FGFR2: variants seen among roughly 807,000 people sequenced by gnomAD.
The protein encoded by FGFR2 is fibroblast growth factor receptor 2, also known as BEK fibroblast growth factor receptor.
FGFR2 carries 19 observed loss-of-function variants against 95.9 expected under a neutral mutation model. The ratio of observed to expected loss-of-function variants is 0.20; its 90% CI spans 0.14 to 0.29. The LOEUF (loss-of-function observed/expected upper bound fraction) is 0.29, where lower values mean the gene tolerates loss of function less well. FGFR2 is among the 10% of genes least tolerant of loss of function. FGFR2 has a pLI of 1.00. For missense variants in FGFR2, 707 were observed against 1,056.9 expected, an observed-to-expected ratio of 0.67 and a Z score of 4.59; for synonymous variants, 392 against 393.3, an observed-to-expected ratio of 1.00 and a Z score of 0.04.
At chr10:121,568,568 G>T (rs1308939721) in intron 2 of FGFR2, among the ~76,000 whole-genome samples, 1 of 151,794 alleles carries the variant, frequency 6.6e-6, no homozygotes, top group Non-Finnish European at 1.5e-5. Flanking sequence ...CCTCAGATAA[G>T]GTGCAACCAT....
At chr10:121,577,705 T>TCTC (rs1860142851) in intron 2 of FGFR2, among the ~76,000 whole-genome samples, 1 of 151,996 alleles carries the variant, frequency 6.6e-6, no homozygotes, top group African/African-American at 2.4e-5. Context: ...TGCATTCCAG[T>TCTC]CTCCTGGGCA....
At chr10:121,516,470 A>G (rs932731640) in intron 8 of FGFR2, among the ~76,000 whole-genome samples, 1 of 152,258 alleles carries the variant, frequency 6.6e-6, no homozygotes. Flanking sequence ...TTTTTACTAG[A>G]TGTAAAATAA....
chr10:121,522,797 C>T (rs1850741025), intron 6 of FGFR2, among the ~76,000 whole-genome samples: 1 of 152,154 alleles, frequency 6.6e-6, no homozygotes, highest in African/African-American at 2.4e-5. Context: ...CCAGCCTCCT[C>T]CCTCTCTTCC....
intron 9 of FGFR2, among the ~76,000 whole-genome samples, chr10:121,511,560 C>T (rs1564903016): frequency 6.6e-6 from 1 of 152,176 alleles, no homozygotes; most frequent in Non-Finnish European, 1.5e-5. Flanking sequence ...GTACCAGAAC[C>T]AACACGCTCA....
rs1180991010 is a variant in FGFR2 at position 121,518,446 on chromosome 10, G to A, written c.940-983C>T. Among the ~76,000 whole-genome samples, 1 of 152,166 alleles carries A rather than the reference G, an allele frequency of 6.6e-6. No individual in the cohort carries two copies. Among genetic ancestry groups the A allele is most frequent in the East Asian group, 1.9e-4 (1 of 5,194 alleles). Reference sequence around the variant, plus strand: ...AGAAGGAACAACTTAAAAACTGGGTGGGGGTGGAGGCTAATCTCTAGAAGA... The same window carrying A: ...AGAAGGAACAACTTAAAAACTGGGTAGGGGTGGAGGCTAATCTCTAGAAGA... On this transcript the variant is annotated intron_variant, in intron 7 of 17. Transcript: ENST00000358487. The surrounding 1 kb of genome is among the most constrained non-coding windows in gnomAD (Gnocchi z 4.0).
intron 4 of FGFR2, among the ~76,000 whole-genome samples, chr10:121,563,803 A>T (rs1222433246): frequency 6.6e-6 from 1 of 152,214 alleles, no homozygotes; most frequent in Admixed American, 6.5e-5. Flanking sequence ...TCTTCCTCGC[A>T]AGTAAATGGC....
intron 5 of FGFR2, among the ~76,000 whole-genome samples, chr10:121,541,272 T>C (rs1295316517): frequency 6.6e-6 from 1 of 152,222 alleles, no homozygotes; most frequent in Non-Finnish European, 1.5e-5. Context: ...ATTTGATTTA[T>C]TGACCCAAAT....
intron 11 of FGFR2, among the ~76,000 whole-genome samples, chr10:121,500,594 T>C (rs2133999837): frequency 6.6e-6 from 1 of 152,332 alleles, no homozygotes; most frequent in African/African-American, 2.4e-5. Flanking sequence ...AGAATAACTC[T>C]ATGTAGGAGG....
intron 13 of FGFR2, among the ~76,000 whole-genome samples, chr10:121,491,731 G>A (rs571386649): frequency 4.1e-4 from 62 of 152,108 alleles, no homozygotes; most frequent in Non-Finnish European, 6.9e-4. Flanking sequence ...TTAGCCGGGC[G>A]TGGTGGCAAG....
chr10:121,548,483 T>A (rs992956776), intron 5 of FGFR2, among the ~76,000 whole-genome samples: 18 of 152,038 alleles, frequency 1.2e-4, no homozygotes, highest in African/African-American at 4.3e-4. Flanking sequence ...TTGGAATCAA[T>A]AATTAACACT....
rs776832781 is a variant in FGFR2 at position 121,518,027 on chromosome 10, G to A, written c.940-564C>T. 4.0e-6 allele frequency: 2 copies of A among 494,570 alleles called. No homozygotes were observed. Among genetic ancestry groups the A allele is most frequent in the East Asian group, 5.5e-5 (1 of 18,114 alleles). 30.6% of individuals were successfully genotyped at this position (494,570 alleles called of 1,614,324 possible). ...TTGCCCTACATAGCATTGACAAAAA[G>A]AAATGGAAGCAAGCATCATCTTGGT... On this transcript the variant is annotated intron_variant, in intron 7 of 17. Coordinates refer to ENST00000358487, the MANE Select transcript of FGFR2 (RefSeq NM_000141.5). This position sits in a 1 kb window ranked among gnomAD's most constrained non-coding sequence, Gnocchi z 4.0.
rs908322861 is a variant in FGFR2 at position 121,503,783 on chromosome 10, T to A, written c.1439+7A>T. On this transcript the variant is annotated splice_region_variant and intron_variant, in intron 10 of 17. Coordinates refer to ENST00000358487, the MANE Select transcript of FGFR2 (RefSeq NM_000141.5). ...CATCCTGGGACATGGCCAAGAGAAG[T>A]ACTCACTTATCTCTTGGAAACTCCC... The A allele has an allele frequency of 6.2e-7, 1 of 1,613,942 alleles. No individual in the cohort carries two copies. Among genetic ancestry groups the A allele is most frequent in the East Asian group, 2.2e-5 (1 of 44,878 alleles).
chr10:121,570,699 CACAG>C (rs1242037826), intron 2 of FGFR2, among the ~76,000 whole-genome samples: 2 of 152,210 alleles, frequency 1.3e-5, no homozygotes, highest in African/African-American at 2.4e-5. Context: ...CAGAGGCTTC[CACAG>C]ACAGAGAATA....
intron 6 of FGFR2, among the ~76,000 whole-genome samples, chr10:121,525,505 A>G (rs2134399553): frequency 6.6e-6 from 1 of 152,278 alleles, no homozygotes; most frequent in South Asian, 2.1e-4. Context: ...CCAGCTGCTA[A>G]GAATTGAAAT....
Position 121,505,570 on chromosome 10 carries a change from G to C in FGFR2, c.1288-1629C>G, listed in dbSNP as rs181989629. Among the ~76,000 whole-genome samples the C allele has an allele frequency of 9.8e-5, 15 of 152,316 alleles. No homozygotes were observed. The East Asian group carries it at 2.7e-3, about 28-fold the overall frequency. On this transcript the variant is annotated intron_variant, in intron 9 of 17. Coordinates refer to ENST00000358487, the MANE Select transcript of FGFR2 (RefSeq NM_000141.5). ...TGGGTTGCACAAGCAAATGGCAGAA[G>C]CAAGCGGGAAAAGACGAGAAGGTAA...
chr10:121,517,501 C>T lies in FGFR2; in HGVS notation c.940-38G>A, dbSNP rs779703278. 6.2e-7 allele frequency: 1 copy of T among 1,613,752 alleles called. No homozygotes were observed. The highest frequency in any genetic ancestry group is 8.5e-7 in the Non-Finnish European group (1 of 1,179,844). On this transcript the variant is annotated intron_variant, in intron 7 of 17. Transcript: ENST00000358487. This position sits in a 1 kb window ranked among gnomAD's most constrained non-coding sequence, Gnocchi z 4.7. ...GGAAGCAAAAGAAAAGGCTAGACGA[C>T]ACAGGAATGATTGTGGAGGGGGCTG...
At chr10:121,490,656 G>T (rs1846014295) in intron 13 of FGFR2, among the ~76,000 whole-genome samples, 1 of 152,138 alleles carries the variant, frequency 6.6e-6, no homozygotes, top group African/African-American at 2.4e-5. Context: ...ATTGGCAAAG[G>T]TTAACTATCA....
chr10:121,486,781 C>A (rs184816904), intron 15 of FGFR2, among the ~76,000 whole-genome samples: 9 of 152,244 alleles, frequency 5.9e-5, no homozygotes, highest in African/African-American at 1.7e-4. Flanking sequence ...TCAGTTGGAG[C>A]CTGACCCCAC....
chr10:121,564,114 C>T (rs775825441), intron 4 of FGFR2, among the ~76,000 whole-genome samples: 4 of 152,180 alleles, frequency 2.6e-5, no homozygotes, highest in Non-Finnish European at 5.9e-5. Context: ...CAAGAATAGG[C>T]AATTGCCCCA....
Sources: allele counts gnomAD v4.1 joint callset (sites outside exome capture counted in the v4.1 genomes callset), GRCh38; gene constraint gnomAD v4.1.1; non-coding constraint Gnocchi (gnomAD v3.1); transcripts MANE v1.5; gene names NCBI Gene and HGNC (gene_info 2026-07-23, HGNC 2026-07-21).